The following WNK2 variants were observed in gnomAD, a reference collection of about 807,000 sequenced individuals.
WNK2 encodes serine/threonine-protein kinase WNK2.
Under a neutral mutation model 192.1 loss-of-function variants are expected in WNK2, and 67 were observed. The ratio of observed to expected loss-of-function variants is 0.35; its 90% CI spans 0.29 to 0.43. The LOEUF (loss-of-function observed/expected upper bound fraction) is 0.43, where lower values mean the gene tolerates loss of function less well. WNK2 is among the 20% of genes least tolerant of loss of function. The probability of loss-of-function intolerance (pLI) is 1.00; values close to 1 mark genes in which losing one functional copy is unlikely to be tolerated. For synonymous variants in WNK2, 1,439 were observed against 1,393.9 expected (o/e 1.03, Z -0.72); for missense variants, 2,698 against 3,089.7 (o/e 0.87, Z 3.01).
At position 93,239,345 on chromosome 9, in the gene WNK2, G is replaced by C. The variant is rs1564062000; in HGVS notation, c.1323-412G>C. ...ACTGGGCACAGGGAGCTCAGAGCGT[G>C]GGGGGCTCCGCCTCTGTGTCCATTT... is the stretch of plus-strand genomic sequence containing the variant. On this transcript the variant is annotated intron_variant, in intron 6 of 29. Coordinates refer to ENST00000427277, the MANE Select transcript of WNK2 (RefSeq NM_006648.4). This position sits in a 1 kb window ranked among gnomAD's most constrained non-coding sequence, Gnocchi z 4.2. Among the ~76,000 whole-genome samples, 7 of 152,298 alleles carry C rather than the reference G, an allele frequency of 4.6e-5. No homozygotes were observed. The South Asian group carries it at 1.0e-3, about 23-fold the overall frequency.
chr9:93,306,494 T>G, intron 26 of WNK2: 1 of 444,194 alleles, frequency 2.3e-6, no homozygotes, highest in Non-Finnish European at 4.0e-6. Context: ...TTTCTTTCTC[T>G]TTTACTTTTC....
At position 93,308,459 on chromosome 9, in the gene WNK2, G is replaced by C; in HGVS notation, c.6391G>C (p.Glu2131Gln). Residue 2131 changes from glutamate (E) to glutamine (Q), a missense_variant, in exon 28 of 30, where the codon GAG (glutamate) becomes CAG (glutamine). Coordinates refer to ENST00000427277, the MANE Select transcript of WNK2 (RefSeq NM_006648.4). ...GGACGACCTGCACAAGCTGGTGGACGAGTGGACGAGCAAGACGGTGGGGGC... is the reference window on the plus strand; with the variant it reads ...GGACGACCTGCACAAGCTGGTGGACCAGTGGACGAGCAAGACGGTGGGGGC... ...FTDDLHKLVDEWTSKTVGAAQ... is the reference protein window; with the variant it reads ...FTDDLHKLVDQWTSKTVGAAQ... 4 of 1,610,566 alleles carry C rather than the reference G, an allele frequency of 2.5e-6. No homozygotes were observed. The highest frequency in any genetic ancestry group is 3.4e-6 in the Non-Finnish European group (4 of 1,178,826).
chr9:93,273,939 G>C (rs1485374355), intron 19 of WNK2, among the ~76,000 whole-genome samples: 1 of 152,174 alleles, frequency 6.6e-6, no homozygotes, highest in Non-Finnish European at 1.5e-5. Context: ...TTTGTGGGAT[G>C]TAGTTAAAGC....
rs147198155 is a variant in WNK2 at position 93,311,155 on chromosome 9, C to T, written c.6516+2571C>T. ...ATGTACCTCATAGAGTGGAATCACA[C>T]GGTATCTGTCTTTTTCCACTGGCTT... is the stretch of plus-strand genomic sequence containing the variant. On this transcript the variant is annotated intron_variant, in intron 28 of 29. Transcript: ENST00000427277. Among the ~76,000 whole-genome samples, 177 of 152,306 alleles carry T rather than the reference C, an allele frequency of 1.2e-3. 1 individual carries two copies. Among genetic ancestry groups the T allele is most frequent in the African/African-American group, 3.4e-3 (142 of 41,546 alleles).
In WNK2 at chr9:93,306,772, T is replaced by TG; in HGVS notation, c.6215-4dup. 1 of 1,614,076 alleles carries TG rather than the reference T, an allele frequency of 6.2e-7. No individual in the cohort carries two copies. The highest frequency in any genetic ancestry group is 8.5e-7 in the Non-Finnish European group (1 of 1,179,894). ...GGTCTTGTGTCGTTTCTTTTTCCCT[T>TG]GCAGGGTCTGCCCTGAAGCGTCTCT... On this transcript the variant is annotated splice_region_variant and splice_polypyrimidine_tract_variant and intron_variant, in intron 26 of 29. Transcript: ENST00000427277.
intron 2 of WNK2, among the ~76,000 whole-genome samples, chr9:93,213,660 A>G (rs1835180665): frequency 6.6e-6 from 1 of 152,150 alleles, no homozygotes; most frequent in South Asian, 2.1e-4. Flanking sequence ...ATGGTGGCGC[A>G]TGCCTGTAAT....
chr9:93,251,138 CAG>C (rs1842542242), intron 8 of WNK2, among the ~76,000 whole-genome samples: 2 of 151,268 alleles, frequency 1.3e-5, no homozygotes, highest in Admixed American at 6.6e-5. Flanking sequence ...TTTTTTGAGA[CAG>C]GGTCTCGCTC....
At chr9:93,308,253 T>G (rs907037812) in intron 27 of WNK2, 75 bp from the exon 28 acceptor site, 1 of 1,496,032 alleles carries the variant, frequency 6.7e-7, no homozygotes, top group African/African-American at 1.4e-5. Context: ...CACGTAAGAA[T>G]GAATGCGGCC....
At chr9:93,218,870 C>T (rs576292925) in intron 2 of WNK2, among the ~76,000 whole-genome samples, 25 of 152,358 alleles carry the variant, frequency 1.6e-4, no homozygotes, top group African/African-American at 5.5e-4. Flanking sequence ...GGCTCTCCCT[C>T]TTCCCCCTGC....
Position 93,246,254 on chromosome 9 carries a change from G to A in WNK2, c.1543-1289G>A, listed in dbSNP as rs139107448. Among the ~76,000 whole-genome samples, 190 of 152,266 alleles carry A rather than the reference G, an allele frequency of 1.2e-3. 1 individual carries two copies. The highest frequency in any genetic ancestry group is 3.4e-3 in the African/African-American group (143 of 41,552). On this transcript the variant is annotated intron_variant, in intron 7 of 29. Coordinates refer to ENST00000427277, the MANE Select transcript of WNK2 (RefSeq NM_006648.4). ...TGCACGTCCCTGTCACTCTGAGCAC[G>A]TCCTCACTGTCAAGCTCATCCTGTC...
rs149415961 is a variant in WNK2 at position 93,226,164 on chromosome 9, C to T, written c.682-3532C>T. On this transcript the variant is annotated intron_variant, in intron 2 of 29. Transcript: ENST00000427277. ...GGTGAGACTCACCGCCCACCTGGGC[C>T]GTTCCTTTGCAGATAAGACTTGCTC... 5.4e-3 allele frequency among the ~76,000 whole-genome samples: 820 copies of T among 152,312 alleles called. 7 individuals carry two copies. Among genetic ancestry groups the T allele is most frequent in the African/African-American group, 0.019 (769 of 41,552 alleles).
chr9:93,228,412 C>A (rs907113785), intron 2 of WNK2, among the ~76,000 whole-genome samples: 2 of 152,142 alleles, frequency 1.3e-5, no homozygotes, highest in East Asian at 3.9e-4. Flanking sequence ...CTGATCTCTC[C>A]CCTTATCTGT....
intron 19 of WNK2, chr9:93,269,019 C>A: frequency 7.4e-7 from 1 of 1,356,220 alleles, no homozygotes; most frequent in Non-Finnish European, 1.0e-6. Flanking sequence ...TGTTGAAGAG[C>A]TCCGCTGTCC....
chr9:93,320,226 C>A, intron 29 of WNK2, 141 bp from the exon 30 acceptor site: 2 of 865,236 alleles, frequency 2.3e-6, no homozygotes, highest in Non-Finnish European at 3.3e-6. Context: ...AGGACAAGAC[C>A]ATCTACACAG....
chr9:93,250,306 T>C (rs940816474), intron 8 of WNK2, among the ~76,000 whole-genome samples: 3 of 150,766 alleles, frequency 2.0e-5, no homozygotes, highest in Non-Finnish European at 4.4e-5. Context: ...AATGGACACA[T>C]ATGTACACAT....
intron 19 of WNK2, among the ~76,000 whole-genome samples, chr9:93,285,862 G>A (rs184988896): frequency 4.6e-5 from 7 of 152,330 alleles, no homozygotes; most frequent in Admixed American, 3.3e-4. Flanking sequence ...AGTCAAGCCA[G>A]CTCAGAAGCA....
intron 28 of WNK2, chr9:93,315,864 T>C (rs2134429642): frequency 6.6e-6 from 1 of 152,250 alleles, no homozygotes; most frequent in South Asian, 2.1e-4. Flanking sequence ...GTTTGTGTTT[T>C]CACTTTCTTA....
intron 2 of WNK2, among the ~76,000 whole-genome samples, chr9:93,223,913 T>G (rs1408088654): frequency 6.6e-6 from 1 of 152,204 alleles, no homozygotes; most frequent in East Asian, 1.9e-4. Flanking sequence ...CCTGTGGATA[T>G]CATGGCTTTT....
At chr9:93,212,627 C>T (rs1448328618) in intron 2 of WNK2, among the ~76,000 whole-genome samples, 1 of 152,190 alleles carries the variant, frequency 6.6e-6, no homozygotes, top group Non-Finnish European at 1.5e-5. Context: ...AGCTGCTGAG[C>T]CTGTCTGTGT....
Sources: gnomAD v4.1 joint callset for allele counts (sites outside exome capture counted in the v4.1 genomes callset) on GRCh38, gnomAD v4.1.1 for gene constraint, Gnocchi (gnomAD v3.1) non-coding constraint, MANE v1.5 for transcripts, NCBI Gene and HGNC (gene_info 2026-07-23, HGNC 2026-07-21) for gene names.